The following ATR variants were observed in gnomAD, a reference collection of about 807,000 sequenced individuals.
ATR encodes the protein serine/threonine-protein kinase ATR.
A neutral mutation model predicts 305.3 loss-of-function variants in ATR; 142 were observed. That is an observed-to-expected ratio of 0.47 (90% CI 0.41 to 0.53). The LOEUF (loss-of-function observed/expected upper bound fraction) is 0.53, where lower values mean the gene tolerates loss of function less well. Ranked by LOEUF, ATR falls within the 20% of genes least tolerant of loss-of-function variation. ATR has a pLI of 0.00. For missense variants in ATR, 2,135 were observed against 3,133.1 expected, an observed-to-expected ratio of 0.68 and a Z score of 7.60; for synonymous variants, 1,050 against 1,068.1, an observed-to-expected ratio of 0.98 and a Z score of 0.33.
intron 15 of ATR, 92 bp downstream of exon 15, chr3:142,549,387 A>G: frequency 1.1e-6 from 1 of 890,332 alleles, no homozygotes; most frequent in Non-Finnish European, 1.6e-6. Context: ...ATAGGCTATA[A>G]TTTACTCACC....
chr3:142,532,917 T>C (rs1012057949), intron 21 of ATR, among the ~76,000 whole-genome samples: 6 of 152,240 alleles, frequency 3.9e-5, no homozygotes, highest in African/African-American at 1.2e-4. Context: ...TATGCCAGTT[T>C]CATGCTCTGG....
At chr3:142,450,673 T>TA (rs1204158244) in intron 46 of ATR, 5 of 1,600,048 alleles carry the variant, frequency 3.1e-6, no homozygotes, top group Non-Finnish European at 4.3e-6. Flanking sequence ...TTATGCAATT[T>TA]AAAAAATCCT....
rs755816195 is a variant in ATR, at chr3:142,466,392, G to A, written c.6829C>T (p.His2277Tyr). ...GGTTCATGGCTAGCATGGTTAGCAT[G>A]GGTACCCAGAATTGATGGAAGTGTA... ...IPTLPSILGT[H>Y]ANHASHEPFP... Residue 2277 changes from histidine (H) to tyrosine (Y), a missense_variant, in exon 40 of 47, where the codon CAT becomes TAT. His to Tyr is a moderately conservative substitution (Grantham distance 83, BLOSUM62 2). Transcript: ENST00000350721. 3 of 1,613,846 alleles carry A rather than the reference G, an allele frequency of 1.9e-6. No homozygotes were observed. In the East Asian group the frequency reaches 6.7e-5, roughly 36 times the overall value.
chr3:142,570,636 T>TC (rs1467746578), intron 1 of ATR, among the ~76,000 whole-genome samples: 10 of 152,106 alleles, frequency 6.6e-5, no homozygotes, highest in Admixed American at 2.6e-4. Flanking sequence ...GATCCACCCA[T>TC]CTTGGCCTCC....
intron 27 of ATR, among the ~76,000 whole-genome samples, chr3:142,510,447 G>C (rs938276475): frequency 1.3e-5 from 2 of 151,770 alleles, no homozygotes; most frequent in Non-Finnish European, 2.9e-5. Context: ...GCAACAGAGA[G>C]AGACTTAGTC....
rs536706048 is a variant in ATR, at chr3:142,470,940, A to G, written c.6222-757T>C. ...AATTTTATTGTGGTAAAACATACAT[A>G]ACATAAAATTTGCCATCACAACCAT... is the stretch of plus-strand genomic sequence containing the variant. On this transcript the variant is annotated intron_variant, in intron 36 of 46. Coordinates refer to ENST00000350721, the MANE Select transcript of ATR (RefSeq NM_001184.4). Among the ~76,000 whole-genome samples, 60 of 152,292 alleles carry G rather than the reference A, an allele frequency of 3.9e-4. 1 individual carries two copies. The South Asian group carries it at 0.012, about 32-fold the overall frequency.
Position 142,568,059 on chromosome 3 carries a change from T to C in ATR, c.151+4A>G, listed in dbSNP as rs1481733213. 1 of 1,596,612 alleles carries C rather than the reference T, an allele frequency of 6.3e-7. No homozygotes were observed. Among genetic ancestry groups the C allele is most frequent in the Non-Finnish European group, 8.6e-7 (1 of 1,168,594 alleles). ...GTTTATATAAGAAATAATTGGTTTC[T>C]TACCAACATTTACATCTGTAAGTAT... is the stretch of plus-strand genomic sequence containing the variant. On this transcript the variant is annotated splice_donor_region_variant and intron_variant, in intron 2 of 46. Coordinates refer to ENST00000350721, the MANE Select transcript of ATR (RefSeq NM_001184.4).
chr3:142,546,587 A>G (rs554203485), intron 16 of ATR, among the ~76,000 whole-genome samples: 2 of 152,352 alleles, frequency 1.3e-5, no homozygotes, highest in South Asian at 2.1e-4. Flanking sequence ...CTGAGAAAAA[A>G]GAGCCAGTTA....
intron 35 of ATR, among the ~76,000 whole-genome samples, chr3:142,491,277 C>T (rs781772453): frequency 1.3e-5 from 2 of 152,122 alleles, no homozygotes; most frequent in Non-Finnish European, 2.9e-5. Flanking sequence ...CAGTAGTCAG[C>T]CTCTATTCTT....
At chr3:142,478,174 GT>G (rs2030051704) in intron 36 of ATR, among the ~76,000 whole-genome samples, 1 of 152,086 alleles carries the variant, frequency 6.6e-6, no homozygotes, top group Non-Finnish European at 1.5e-5. Flanking sequence ...TCTTTTAATT[GT>G]GATGTTAGGG....
chr3:142,532,400 C>T lies in ATR; in HGVS notation c.3945+2680G>A, dbSNP rs373319601. ...AAATGGATTCCTGACTAGTATCAAT[C>T]TTCAGAAACCAATTATATGGTTTCT... On this transcript the variant is annotated intron_variant, in intron 21 of 46. Coordinates refer to ENST00000350721, the MANE Select transcript of ATR (RefSeq NM_001184.4). Among the ~76,000 whole-genome samples, 14 of 152,306 alleles carry T rather than the reference C, an allele frequency of 9.2e-5. No homozygotes were observed. In the South Asian group the frequency reaches 2.3e-3, roughly 25 times the overall value.
intron 21 of ATR, among the ~76,000 whole-genome samples, chr3:142,528,088 G>A: frequency 6.6e-6 from 1 of 152,164 alleles, no homozygotes; most frequent in Non-Finnish European, 1.5e-5. Flanking sequence ...AAGTCATTCA[G>A]TTTGTAGTAC....
intron 4 of ATR, 150 bp from the exon 5 acceptor site, chr3:142,561,571 T>G (rs1002562576): frequency 2.6e-6 from 2 of 781,824 alleles, no homozygotes; most frequent in African/African-American, 3.5e-5. Flanking sequence ...TAAATTGATC[T>G]ATATTATTTA....
At chr3:142,486,637 TCG>T (rs1268548173) in intron 35 of ATR, among the ~76,000 whole-genome samples, 2 of 152,144 alleles carry the variant, frequency 1.3e-5, no homozygotes, top group Non-Finnish European at 2.9e-5. Context: ...CTCTTCTCTC[TCG>T]CTCCCTTTTT....
intron 16 of ATR, among the ~76,000 whole-genome samples, chr3:142,544,290 T>C (rs1171084884): frequency 2.0e-5 from 3 of 150,450 alleles, no homozygotes; most frequent in African/African-American, 7.3e-5. Flanking sequence ...AAACCCCATC[T>C]CTACAAAAAA....
At position 142,560,293 on chromosome 3, in the gene ATR, G is replaced by A. The variant is rs1360033518; in HGVS notation, c.1511C>T (p.Thr504Ile). 1.5e-5 allele frequency: 25 copies of A among 1,613,834 alleles called. No homozygotes were observed. The highest frequency in any genetic ancestry group is 2.0e-5 in the Non-Finnish European group (24 of 1,179,928). ...CATGTTTTGATGAGAACAATGAACAGTACACAGAGCAGTCAGTTGTAAGAC... is the reference window on the plus strand; with the variant it reads ...CATGTTTTGATGAGAACAATGAACAATACACAGAGCAGTCAGTTGTAAGAC... ...AVVLQLTALCTVHCSHQNMNC... is the reference protein window; with the variant it reads ...AVVLQLTALCIVHCSHQNMNC... Residue 504 changes from threonine to isoleucine, a missense_variant, in exon 6 of 47, where the codon ACT (threonine) becomes ATT (isoleucine). Physicochemically the swap from Thr to Ile is moderately conservative, Grantham distance 89 (BLOSUM62 -1). This residue lies in a region of ATR where 744 missense variants were observed against 873.2 expected (regional missense o/e 0.85). Coordinates refer to ENST00000350721, the MANE Select transcript of ATR (RefSeq NM_001184.4).
rs377119120 is a variant in ATR at position 142,453,280 on chromosome 3, G to C, written c.7656-47C>G. 85 of 1,584,710 alleles carry C rather than the reference G, an allele frequency of 5.4e-5. No homozygotes were observed. In the East Asian group the frequency reaches 1.7e-3, roughly 32 times the overall value. On this transcript the variant is annotated intron_variant, in intron 45 of 46. Coordinates refer to ENST00000350721, the MANE Select transcript of ATR (RefSeq NM_001184.4). ...TGGTATGATGTTATCTTTGCAAGAA[G>C]AAATCTTGCTGACATCAATATTTAA...
rs147282976 is a variant in ATR at position 142,496,972 on chromosome 3, T to C, written c.5738+41A>G. Reference sequence around the variant, plus strand: ...CCCAAATAATATCCAAATACCAAATTCAAGATAAGTGACATTTTTAAAAAA... The same window carrying C: ...CCCAAATAATATCCAAATACCAAATCCAAGATAAGTGACATTTTTAAAAAA... On this transcript the variant is annotated intron_variant, in intron 33 of 46. Transcript: ENST00000350721. The C allele has an allele frequency of 3.8e-6, 6 of 1,575,600 alleles. No individual in the cohort carries two copies. In the African/African-American group the frequency reaches 8.2e-5, roughly 21 times the overall value.
At chr3:142,458,287 T>C (rs2070949998) in intron 44 of ATR, among the ~76,000 whole-genome samples, 1 of 152,214 alleles carries the variant, frequency 6.6e-6, no homozygotes, top group South Asian at 2.1e-4. Context: ...CCTTGTCCAA[T>C]CAGTTACCCT....
Sources: allele counts gnomAD v4.1 joint callset (sites outside exome capture counted in the v4.1 genomes callset), GRCh38; gene constraint gnomAD v4.1.1; regional missense constraint gnomAD v4.1.1; transcripts MANE v1.5; gene names NCBI Gene and HGNC (gene_info 2026-07-23, HGNC 2026-07-21).